Variants in NEK6 observed in about 807,000 individuals in gnomAD.
NEK6 encodes the protein serine/threonine-protein kinase Nek6.
A neutral mutation model predicts 43.5 loss-of-function variants in NEK6; 27 were observed. The observed-to-expected ratio is 0.62, with a 90% CI of 0.46 to 0.86. The LOEUF (loss-of-function observed/expected upper bound fraction) is 0.86, where lower values mean the gene tolerates loss of function less well. NEK6 is among the 40% of genes least tolerant of loss of function. NEK6 has a pLI of 0.00. For missense variants in NEK6, 318 were observed against 414.4 expected (o/e 0.77, Z 2.02); for synonymous variants, 167 against 164.1 (o/e 1.02, Z -0.14).
chr9:124,286,157 C>T (rs188077046), intron 1 of NEK6, among the ~76,000 whole-genome samples: 10 of 152,300 alleles, frequency 6.6e-5, no homozygotes, highest in Middle Eastern at 3.4e-3. Flanking sequence ...ACAAGAATTC[C>T]GACTGCACAG....
chr9:124,331,620 G>A (rs1829002529), intron 7 of NEK6, among the ~76,000 whole-genome samples: 1 of 152,202 alleles, frequency 6.6e-6, no homozygotes, highest in African/African-American at 2.4e-5. Flanking sequence ...AGGTGTTGGT[G>A]GACGACCTGG....
At chr9:124,313,783 C>T in intron 3 of NEK6, 140 bp from the exon 4 acceptor site, 3 of 754,948 alleles carry the variant, frequency 4.0e-6, no homozygotes, top group Non-Finnish European at 6.7e-6. Context: ...CCTACAGGGG[C>T]TGGGAGTGCA....
intron 7 of NEK6, among the ~76,000 whole-genome samples, chr9:124,333,127 T>G (rs561665498): frequency 6.6e-6 from 1 of 152,366 alleles, no homozygotes; most frequent in East Asian, 1.9e-4. Context: ...TCTCCTGGCG[T>G]CTGGGGATGC....
At chr9:124,268,239 C>T (rs1289833043) in intron 1 of NEK6, among the ~76,000 whole-genome samples, 2 of 152,192 alleles carry the variant, frequency 1.3e-5, no homozygotes, top group African/African-American at 4.8e-5. Context: ...TAATTTGGAC[C>T]AGCAGATAGG....
chr9:124,315,925 A>G (rs114457829), intron 4 of NEK6, among the ~76,000 whole-genome samples: 186 of 152,374 alleles, frequency 1.2e-3, no homozygotes, highest in African/African-American at 4.3e-3. Flanking sequence ...GGGCATGATG[A>G]CAACAGGGAC....
At chr9:124,308,743 TG>T (rs1229233996) in intron 2 of NEK6, among the ~76,000 whole-genome samples, 1 of 151,338 alleles carries the variant, frequency 6.6e-6, no homozygotes, top group African/African-American at 2.4e-5. Flanking sequence ...GGGGCCACCC[TG>T]GGCGCACTGT....
At chr9:124,290,834 G>A (rs549169609) in intron 1 of NEK6, among the ~76,000 whole-genome samples, 12 of 152,324 alleles carry the variant, frequency 7.9e-5, no homozygotes, top group Admixed American at 2.0e-4. Context: ...ACCTGGCCCC[G>A]CCAGAAGCAG....
chr9:124,285,298 A>G (rs1046659892), intron 1 of NEK6, among the ~76,000 whole-genome samples: 1 of 152,078 alleles, frequency 6.6e-6, no homozygotes, highest in African/African-American at 2.4e-5. Context: ...CACCGTTTCC[A>G]CAGAGCAGGC....
At chr9:124,318,674 A>G (rs1490654559) in intron 4 of NEK6, among the ~76,000 whole-genome samples, 2 of 151,360 alleles carry the variant, frequency 1.3e-5, no homozygotes, top group Non-Finnish European at 2.9e-5. Context: ...ATTTTTATTT[A>G]TTTATTTTTT....
chr9:124,338,499 T>G (rs1197606464), intron 7 of NEK6, among the ~76,000 whole-genome samples: 1 of 152,270 alleles, frequency 6.6e-6, no homozygotes, highest in East Asian at 1.9e-4. Flanking sequence ...GGGATGATTT[T>G]CTCCCAGTCT....
chr9:124,341,455 G>A lies in NEK6; in HGVS notation c.717+1790G>A, dbSNP rs2297229. Among the ~76,000 whole-genome samples the A allele has an allele frequency of 1.7e-3, 10 of 5,944 alleles. 2 individuals are homozygous for A. Among genetic ancestry groups the A allele is most frequent in the Admixed American group, 7.9e-3 (6 of 758 alleles). 3.9% of individuals were successfully genotyped at this position (5,944 alleles called of 152,430 possible). ...AAGAGGGTGGGACCCCTTCTCCCAG[G>A]GCTCAGCAGATGCGGGTGACAAGAG... On this transcript the variant is annotated intron_variant, in intron 8 of 9. Coordinates refer to ENST00000320246, the MANE Select transcript of NEK6 (RefSeq NM_014397.6).
At chr9:124,318,774 C>A (rs1204144466) in intron 4 of NEK6, among the ~76,000 whole-genome samples, 2 of 152,014 alleles carry the variant, frequency 1.3e-5, no homozygotes, top group Non-Finnish European at 2.9e-5. Flanking sequence ...CGGGTTCAAG[C>A]GATTCTCCCA....
intron 1 of NEK6, among the ~76,000 whole-genome samples, chr9:124,260,587 G>T (rs573393401): frequency 4.6e-5 from 7 of 152,120 alleles, no homozygotes; most frequent in Non-Finnish European, 8.8e-5. Flanking sequence ...AGTAGAGATG[G>T]GGTTTCACTG....
intron 2 of NEK6, among the ~76,000 whole-genome samples, chr9:124,310,838 G>A (rs969650183): frequency 5.9e-5 from 9 of 152,180 alleles, no homozygotes; most frequent in Admixed American, 3.3e-4. Flanking sequence ...CGCCCGCCTC[G>A]GCCTCCCACA....
intron 8 of NEK6, among the ~76,000 whole-genome samples, chr9:124,340,825 G>C (rs976253633): frequency 6.6e-6 from 1 of 152,190 alleles, no homozygotes; most frequent in African/African-American, 2.4e-5. Context: ...CTGTCCCCTT[G>C]GGACTGTCGA....
At chr9:124,347,429 T>C (rs1296963015) in intron 8 of NEK6, among the ~76,000 whole-genome samples, 1 of 152,188 alleles carries the variant, frequency 6.6e-6, no homozygotes, top group African/African-American at 2.4e-5. Context: ...AGGTGGGAAT[T>C]AGCTTGCAGC....
Position 124,347,412 on chromosome 9 carries a change from G to A in NEK6, c.718-297G>A, listed in dbSNP as rs990912120. Among the ~76,000 whole-genome samples, 3 of 152,244 alleles carry A rather than the reference G, an allele frequency of 2.0e-5. No individual in the cohort carries two copies. In the South Asian group the frequency reaches 6.2e-4, roughly 31 times the overall value. On this transcript the variant is annotated intron_variant, in intron 8 of 9. Transcript: ENST00000320246. Reference sequence around the variant, plus strand: ...GAGCCTGGGTCCCCCGGGCTGAGGTGGGAGCAAGGTGGGAATTAGCTTGCA... The same window carrying A: ...GAGCCTGGGTCCCCCGGGCTGAGGTAGGAGCAAGGTGGGAATTAGCTTGCA...
At chr9:124,350,095 C>T (rs1830172275) in intron 9 of NEK6, among the ~76,000 whole-genome samples, 1 of 152,222 alleles carries the variant, frequency 6.6e-6, no homozygotes, top group Non-Finnish European at 1.5e-5. Flanking sequence ...TGGTTCAGGA[C>T]CACCCAGCTT....
chr9:124,326,512 G>T lies in NEK6; in HGVS notation c.514+74G>T. 9.0e-7 allele frequency: 1 copy of T among 1,105,606 alleles called. No homozygotes were observed. 68.5% of individuals were successfully genotyped at this position (1,105,606 alleles called of 1,614,324 possible). ...AGACACTTCCTCATGGCTCCTCCAG[G>T]GTCCTCAGGGGCAGCCCCTTGAGGA... On this transcript the variant is annotated intron_variant, in intron 6 of 9. Coordinates refer to ENST00000320246, the MANE Select transcript of NEK6 (RefSeq NM_014397.6). This position sits in a 1 kb window ranked among gnomAD's most constrained non-coding sequence, Gnocchi z 4.5.
Sources: allele counts gnomAD v4.1 joint callset (sites outside exome capture counted in the v4.1 genomes callset), GRCh38; gene constraint gnomAD v4.1.1; non-coding constraint Gnocchi (gnomAD v3.1); transcripts MANE v1.5; gene names NCBI Gene and HGNC (gene_info 2026-07-23, HGNC 2026-07-21).